Variants in TAF4 observed in about 807,000 individuals in gnomAD.
TAF4 encodes the protein TATA-box binding protein associated factor 4.
In TAF4, 9 loss-of-function variants were observed where a neutral mutation model predicts 90.3. That is an observed-to-expected ratio of 0.10 (90% CI 0.06 to 0.17). TAF4 has a LOEUF of 0.17. Among genes scored for constraint, TAF4 ranks in the 10% least tolerant of loss-of-function variants. The pLI is 1.00. For missense variants in TAF4, 1,351 were observed against 1,370.7 expected (o/e 0.99, Z 0.23); for synonymous variants, 818 against 638.9 (o/e 1.28, Z -4.23).
intron 1 of TAF4, among the ~76,000 whole-genome samples, chr20:62,034,750 T>G (rs1218615361): frequency 1.3e-5 from 2 of 152,014 alleles, no homozygotes; most frequent in African/African-American, 4.8e-5. Context: ...ACATAAAACT[T>G]GATTGAAAAA....
rs138695039 is a variant in TAF4 at position 62,059,131 on chromosome 20, G to C, written c.1360+5320C>G. Among the ~76,000 whole-genome samples, 620 of 152,200 alleles carry C rather than the reference G, an allele frequency of 4.1e-3. 4 individuals carry two copies. The highest frequency in any genetic ancestry group is 6.8e-3 in the Middle Eastern group (2 of 294). On this transcript the variant is annotated intron_variant, in intron 1 of 14. Transcript: ENST00000252996. ...TTCTGCTCCACAACATGACACCCAC[G>C]GTGGGAGAAGCTGGGGGCACTTCAC...
At chr20:61,996,795 C>CAA (rs752885979) in intron 14 of TAF4, among the ~76,000 whole-genome samples, 1,617 of 79,132 alleles carry the variant, frequency 0.02, 55 homozygotes, top group African/African-American at 0.069. Flanking sequence ...AAGACTGTCT[C>CAA]AAAAAAAAAA....
At chr20:61,999,150 G>C in intron 11 of TAF4, 42 bp from the exon 12 acceptor site, 1 of 1,606,760 alleles carries the variant, frequency 6.2e-7, no homozygotes, top group Non-Finnish European at 8.5e-7. Context: ...AAATCTGAGA[G>C]CCCAGCAAGC....
chr20:61,987,638 G>A (rs565520604), intron 14 of TAF4, among the ~76,000 whole-genome samples: 2 of 152,218 alleles, frequency 1.3e-5, no homozygotes, highest in Non-Finnish European at 2.9e-5. Context: ...GCAACATGGC[G>A]CGGCTGCTGG....
At chr20:62,040,973 T>A (rs956539378) in intron 1 of TAF4, among the ~76,000 whole-genome samples, 2 of 152,214 alleles carry the variant, frequency 1.3e-5, no homozygotes, top group East Asian at 1.9e-4. Context: ...ATAGCGTACA[T>A]CCAAACAGAA....
Position 62,010,717 on chromosome 20 carries a change from A to G in TAF4, c.1642-552T>C, listed in dbSNP as rs1162535007. ...TGAGTGTCAACAAGAAGCCTCCCAC[A>G]GAGGGGAGTTTTCAGAGCAGATTCG... On this transcript the variant is annotated intron_variant, in intron 3 of 14. Coordinates refer to ENST00000252996, the MANE Select transcript of TAF4 (RefSeq NM_003185.4). The surrounding 1 kb of genome is among the most constrained non-coding windows in gnomAD (Gnocchi z 4.5). 6.6e-6 allele frequency among the ~76,000 whole-genome samples: 1 copy of G among 152,124 alleles called. No homozygotes were observed. The highest frequency in any genetic ancestry group is 6.5e-5 in the Admixed American group (1 of 15,286).
chr20:61,993,321 TGGA>T (rs894014319), intron 14 of TAF4, among the ~76,000 whole-genome samples: 28 of 152,066 alleles, frequency 1.8e-4, no homozygotes, highest in Non-Finnish European at 3.7e-4. Flanking sequence ...CAGCCAGAGT[TGGA>T]GGAGTCTCTG....
At position 62,007,565 on chromosome 20, in the gene TAF4, G is replaced by A; in HGVS notation, c.1956C>T (p.Tyr652=). ...AAATTACCTTCAGGAAAGGCACAAG[G>A]TAAGGTTGAGGTGAAGAATTAAGTT... ...YRELNSSPQP[Y]LVPFLKRSLP... Residue 652 remains tyrosine, a synonymous_variant, in exon 6 of 15, where the codon TAC becomes TAT. Coordinates refer to ENST00000252996, the MANE Select transcript of TAF4 (RefSeq NM_003185.4). The A allele has an allele frequency of 1.2e-6, 2 of 1,613,914 alleles. No homozygotes were observed. The highest frequency in any genetic ancestry group is 2.2e-5 in the South Asian group (2 of 91,050).
At chr20:62,040,617 G>A (rs1310766582) in intron 1 of TAF4, among the ~76,000 whole-genome samples, 5 of 152,184 alleles carry the variant, frequency 3.3e-5, no homozygotes, top group Admixed American at 1.3e-4. Context: ...CTCCATAAAC[G>A]GAGATTTAAA....
At chr20:62,036,921 G>A (rs1285763059) in intron 1 of TAF4, among the ~76,000 whole-genome samples, 2 of 152,226 alleles carry the variant, frequency 1.3e-5, no homozygotes, top group African/African-American at 4.8e-5. Context: ...CTGTCCCACA[G>A]CTGCCTTGCC....
At chr20:62,059,930 C>T (rs1600866876) in intron 1 of TAF4, among the ~76,000 whole-genome samples, 1 of 152,222 alleles carries the variant, frequency 6.6e-6, no homozygotes, top group African/African-American at 2.4e-5. Context: ...TCAAATTTAT[C>T]CCTTAAGTGG....
chr20:62,019,302 C>T (rs980792935), intron 1 of TAF4, among the ~76,000 whole-genome samples: 11 of 152,232 alleles, frequency 7.2e-5, no homozygotes, highest in South Asian at 2.1e-4. Context: ...GCCACCCGCC[C>T]GAGTTCCCTG....
chr20:62,056,317 G>A (rs531611315), intron 1 of TAF4, among the ~76,000 whole-genome samples: 20 of 152,276 alleles, frequency 1.3e-4, no homozygotes, highest in African/African-American at 2.2e-4. Context: ...CCACATGAAC[G>A]AGGTCTAATT....
chr20:62,031,383 A>G (rs1377823276), intron 1 of TAF4, among the ~76,000 whole-genome samples: 1 of 152,212 alleles, frequency 6.6e-6, no homozygotes, highest in Non-Finnish European at 1.5e-5. Context: ...CCTTCTCGAC[A>G]CTTTGCTAAA....
At chr20:61,989,695 T>C (rs1248228113) in intron 14 of TAF4, among the ~76,000 whole-genome samples, 1 of 133,434 alleles carries the variant, frequency 7.5e-6, no homozygotes, top group African/African-American at 2.9e-5. Context: ...CCCACAGCAC[T>C]GCAGTGAGTG....
At position 62,006,485 on chromosome 20, in the gene TAF4, G is replaced by T; in HGVS notation, c.2223+25C>A. ...GAGCAGAGGCACGGTGGGCTGTGCA[G>T]ACCAGTCAGGCGCCCCTTCCATACC... On this transcript the variant is annotated intron_variant, in intron 7 of 14. Transcript: ENST00000252996. This position sits in a 1 kb window ranked among gnomAD's most constrained non-coding sequence, Gnocchi z 7.0. 6.8e-7 allele frequency: 1 copy of T among 1,473,798 alleles called. No homozygotes were observed. Among genetic ancestry groups the T allele is most frequent in the Non-Finnish European group, 9.0e-7 (1 of 1,111,492 alleles). The allele number at this position is 1,473,798 out of a possible 1,614,324, so 91.3% of individuals were successfully genotyped here.
Position 62,014,440 on chromosome 20 carries a change from T to A in TAF4, c.1521+107A>T, listed in dbSNP as rs2123150647. 3.6e-6 allele frequency: 5 copies of A among 1,379,404 alleles called. No individual in the cohort carries two copies. In the South Asian group the frequency reaches 7.9e-5, roughly 22 times the overall value. 85.4% of individuals were successfully genotyped at this position (1,379,404 alleles called of 1,614,324 possible). A position where few individuals can be genotyped will look rare whatever the true frequency, so the allele number is the denominator to read the frequency against. ...CTGGGACGCCGCCCACACTTCCCAG[T>A]CCTCACTCCCATGGCTGTGCCTGGC... On this transcript the variant is annotated intron_variant, in intron 2 of 14. Transcript: ENST00000252996.
At chr20:61,979,461 G>T (rs947477310) in intron 14 of TAF4, among the ~76,000 whole-genome samples, 1 of 151,238 alleles carries the variant, frequency 6.6e-6, no homozygotes, top group African/African-American at 2.4e-5. Flanking sequence ...GGCCCGTGCA[G>T]GCGCCATGGC....
chr20:62,044,302 TAA>T (rs1430955382), intron 1 of TAF4, among the ~76,000 whole-genome samples: 6 of 152,166 alleles, frequency 3.9e-5, no homozygotes, highest in African/African-American at 9.7e-5. Context: ...AATGTCAAGG[TAA>T]AAATTAGCGT....
Sources: gnomAD v4.1 joint callset for allele counts (sites outside exome capture counted in the v4.1 genomes callset) on GRCh38, gnomAD v4.1.1 for gene constraint, Gnocchi (gnomAD v3.1) non-coding constraint, MANE v1.5 for transcripts, NCBI Gene and HGNC (gene_info 2026-07-23, HGNC 2026-07-21) for gene names.